Variants in EPHA3 observed in about 807,000 individuals in gnomAD.
EPHA3 encodes EPH receptor A3.
EPHA3 carries 42 observed loss-of-function variants against 107.1 expected under a neutral mutation model. The observed-to-expected ratio is 0.39, with a 90% CI of 0.31 to 0.51. The LOEUF is 0.51. EPHA3 is among the 20% of genes least tolerant of loss of function. The pLI is 0.78. For missense variants in EPHA3, 1,183 were observed against 1,211.2 expected (o/e 0.98, Z 0.35); for synonymous variants, 461 against 424.8 (o/e 1.09, Z -1.05).
At chr3:89,173,229 A>G (rs1170456455) in intron 2 of EPHA3, among the ~76,000 whole-genome samples, 1 of 152,092 alleles carries the variant, frequency 6.6e-6, no homozygotes, top group Non-Finnish European at 1.5e-5. Flanking sequence ...TCTAATTTGT[A>G]TCCTTTGTTT....
chr3:89,435,104 A>T (rs1283926397), intron 13 of EPHA3, among the ~76,000 whole-genome samples: 1 of 149,752 alleles, frequency 6.7e-6, no homozygotes. Context: ...AAACAAATAT[A>T]CCAAACAGCT....
At chr3:89,243,191 T>C (rs1475823668) in intron 3 of EPHA3, among the ~76,000 whole-genome samples, 2 of 152,112 alleles carry the variant, frequency 1.3e-5, no homozygotes, top group African/African-American at 4.8e-5. Flanking sequence ...TCTTTGCTAT[T>C]GTGAATAGTG....
intron 2 of EPHA3, among the ~76,000 whole-genome samples, chr3:89,161,782 GC>G (rs1704948273): frequency 6.6e-6 from 1 of 151,882 alleles, no homozygotes; most frequent in Non-Finnish European, 1.5e-5. Flanking sequence ...TTCAATACCA[GC>G]CTGGGCAGCA....
intron 1 of EPHA3, among the ~76,000 whole-genome samples, chr3:89,120,441 C>G (rs940985369): frequency 3.3e-5 from 5 of 152,282 alleles, no homozygotes; most frequent in Admixed American, 2.6e-4. Flanking sequence ...AGTAGAGCAT[C>G]ACAACTCATT....
At chr3:89,132,263 A>G (rs1413654681) in intron 2 of EPHA3, among the ~76,000 whole-genome samples, 1 of 152,120 alleles carries the variant, frequency 6.6e-6, no homozygotes, top group Admixed American at 6.5e-5. Flanking sequence ...TGAACCACTG[A>G]ATTACGTGAA....
chr3:89,480,981 C>G lies in EPHA3; in HGVS notation c.*1479C>G. ...AGACTTACTATTACATAAAGGCTAA[C>G]TATGAGCTTGCTCATTAATTTTGAA... On this transcript the variant is annotated 3_prime_UTR_variant, in exon 17 of 17. Coordinates refer to ENST00000336596, the MANE Select transcript of EPHA3 (RefSeq NM_005233.6). 4.3e-6 allele frequency: 1 copy of G among 231,872 alleles called. No individual in the cohort carries two copies. Among genetic ancestry groups the G allele is most frequent in the East Asian group, 6.1e-5 (1 of 16,326 alleles). The allele number at this position is 231,872 out of a possible 1,614,324, so 14.4% of individuals were successfully genotyped here. A position where few individuals can be genotyped will look rare whatever the true frequency, so the allele number is the denominator to read the frequency against.
rs1159872554 is a variant in EPHA3, at chr3:89,456,942, C to T, written c.2690+6572C>T. On this transcript the variant is annotated intron_variant, in intron 15 of 16. Coordinates refer to ENST00000336596, the MANE Select transcript of EPHA3 (RefSeq NM_005233.6). ...TGTAGCTTCCATCCTCAACAGCTTA[C>T]GTTTAAATGTGGAAGAAAAAAGAAT... Among the ~76,000 whole-genome samples the T allele has an allele frequency of 3.3e-5, 5 of 152,158 alleles. No homozygotes were observed. The East Asian group carries it at 5.8e-4, about 18-fold the overall frequency.
intron 2 of EPHA3, among the ~76,000 whole-genome samples, chr3:89,209,108 A>G (rs776791218): frequency 2.0e-5 from 3 of 152,226 alleles, no homozygotes; most frequent in Admixed American, 6.5e-5. Flanking sequence ...TACAGTGATA[A>G]AAGTTGTTCT....
At chr3:89,363,720 T>G (rs1708139253) in intron 5 of EPHA3, among the ~76,000 whole-genome samples, 1 of 150,676 alleles carries the variant, frequency 6.6e-6, no homozygotes, top group South Asian at 2.1e-4. Context: ...TTGCTGTTTC[T>G]CTTTTGAGTT....
intron 1 of EPHA3, 118 bp downstream of exon 1, chr3:89,107,954 T>C: frequency 1.1e-6 from 1 of 901,026 alleles, no homozygotes; most frequent in Non-Finnish European, 1.7e-6. Context: ...CAGTTTGCTC[T>C]GAGAGTGAAG....
chr3:89,289,126 A>C (rs1706156254), intron 3 of EPHA3, among the ~76,000 whole-genome samples: 1 of 152,254 alleles, frequency 6.6e-6, no homozygotes, highest in African/African-American at 2.4e-5. Context: ...ACTACAACAG[A>C]GAGATAAGTG....
intron 13 of EPHA3, among the ~76,000 whole-genome samples, chr3:89,443,614 C>T (rs1483442435): frequency 6.6e-6 from 1 of 152,054 alleles, no homozygotes; most frequent in Non-Finnish European, 1.5e-5. Context: ...TCTACTTTCC[C>T]AGGTCCACAA....
chr3:89,153,591 T>G (rs1209062415), intron 2 of EPHA3, among the ~76,000 whole-genome samples: 1 of 152,028 alleles, frequency 6.6e-6, no homozygotes, highest in Non-Finnish European at 1.5e-5. Context: ...CAATTCTTGT[T>G]GACTTTACTT....
intron 3 of EPHA3, among the ~76,000 whole-genome samples, chr3:89,308,102 A>C (rs908316692): frequency 5.9e-5 from 9 of 152,130 alleles, no homozygotes; most frequent in African/African-American, 2.2e-4. Context: ...GCAACCATTA[A>C]GTAATGGTTG....
chr3:89,278,581 T>G (rs540998945), intron 3 of EPHA3, among the ~76,000 whole-genome samples: 1 of 152,144 alleles, frequency 6.6e-6, no homozygotes, highest in Non-Finnish European at 1.5e-5. Context: ...TCTTGTGGAC[T>G]TCATGCGCAA....
At chr3:89,460,772 C>G (rs1213989343) in intron 15 of EPHA3, among the ~76,000 whole-genome samples, 6 of 144,526 alleles carry the variant, frequency 4.2e-5, no homozygotes, top group East Asian at 2.0e-4. Context: ...GATACAGAAC[C>G]TTTTAGAGGG....
At chr3:89,431,485 A>T (rs1709568659) in intron 13 of EPHA3, 126 bp downstream of exon 13, 1 of 657,910 alleles carries the variant, frequency 1.5e-6, no homozygotes, top group Non-Finnish European at 2.5e-6. Context: ...TAGAAAACAT[A>T]TCTTAAAATT....
chr3:89,291,838 T>G (rs1420221892), intron 3 of EPHA3, among the ~76,000 whole-genome samples: 2 of 152,188 alleles, frequency 1.3e-5, no homozygotes, highest in Non-Finnish European at 1.5e-5. Context: ...AATGAAAATG[T>G]CTACTTCTTC....
chr3:89,455,087 C>T (rs187058736), intron 15 of EPHA3, among the ~76,000 whole-genome samples: 2 of 152,302 alleles, frequency 1.3e-5, no homozygotes, highest in Non-Finnish European at 2.9e-5. Context: ...TATTCGAAAA[C>T]TATTTTTATA....
Sources: allele counts gnomAD v4.1 joint callset (sites outside exome capture counted in the v4.1 genomes callset), GRCh38; gene constraint gnomAD v4.1.1; transcripts MANE v1.5; gene names NCBI Gene and HGNC (gene_info 2026-07-23, HGNC 2026-07-21).